Variants in PCCA observed in about 807,000 individuals in gnomAD.
PCCA encodes propionyl-CoA carboxylase alpha chain, mitochondrial.
A neutral mutation model predicts 101.3 loss-of-function variants in PCCA; 74 were observed. That is an observed-to-expected ratio of 0.73 (90% confidence interval 0.61 to 0.89). PCCA has a LOEUF of 0.89. PCCA is among the 40% of genes least tolerant of loss of function. PCCA has a pLI of 0.00. For missense variants in PCCA, 891 were observed against 907.0 expected (o/e 0.98, Z 0.23); for synonymous variants, 294 against 313.6 (o/e 0.94, Z 0.66).
At chr13:100,381,384 G>A (rs1423714181) in intron 19 of PCCA, among the ~76,000 whole-genome samples, 5 of 143,418 alleles carry the variant, frequency 3.5e-5, no homozygotes, top group Admixed American at 2.1e-4. Flanking sequence ...GCGAGACTCC[G>A]TCTCAAAAAA....
intron 4 of PCCA, among the ~76,000 whole-genome samples, chr13:100,129,907 G>A (rs1566536857): frequency 6.6e-6 from 1 of 152,058 alleles, no homozygotes. Context: ...ATTGTTATGC[G>A]TTTTTCTCCT....
chr13:100,529,581 G>A (rs547937777), intron 23 of PCCA, among the ~76,000 whole-genome samples: 1 of 152,308 alleles, frequency 6.6e-6, no homozygotes, highest in East Asian at 1.9e-4. Context: ...CACCTGCCAA[G>A]GACTCCATTT....
Position 100,469,211 on chromosome 13 carries a change from C to CAAAAAAAAAAAAAAAA in PCCA, c.1899+19907_1899+19922dup, listed in dbSNP as rs534361898. Among the ~76,000 whole-genome samples the CAAAAAAAAAAAAAAAA allele has an allele frequency of 9.5e-4, 62 of 64,956 alleles. 1 individual carries two copies. Among genetic ancestry groups the CAAAAAAAAAAAAAAAA allele is most frequent in the African/African-American group, 1.1e-3 (20 of 17,552 alleles). The allele number at this position is 64,956 out of a possible 152,430, so 42.6% of individuals were successfully genotyped here. ...GGGCAACAAGAGTGAAACTCCGTCT[C>CAAAAAAAAAAAAAAAA]AAAAAAAAAAAAAAAAGAATCCCTT... is the stretch of plus-strand genomic sequence containing the variant. On this transcript the variant is annotated intron_variant, in intron 21 of 23. Coordinates refer to ENST00000376285, the MANE Select transcript of PCCA (RefSeq NM_000282.4).
intron 18 of PCCA, among the ~76,000 whole-genome samples, chr13:100,361,080 A>G (rs2074522310): frequency 6.6e-6 from 1 of 152,176 alleles, no homozygotes; most frequent in South Asian, 2.1e-4. Context: ...GCTAAGTGAC[A>G]TTCTGAAAAA....
intron 21 of PCCA, among the ~76,000 whole-genome samples, chr13:100,511,777 C>T (rs896344439): frequency 6.6e-6 from 1 of 152,194 alleles, no homozygotes; most frequent in African/African-American, 2.4e-5. Flanking sequence ...CCGCAGACCT[C>T]GGGATCATTG....
intron 1 of PCCA, among the ~76,000 whole-genome samples, chr13:100,096,204 T>C (rs1046761989): frequency 1.6e-4 from 24 of 152,162 alleles, no homozygotes; most frequent in African/African-American, 5.3e-4. Context: ...AGCAACTGTA[T>C]TGGTGTCATC....
At chr13:100,217,583 G>A (rs2059589311) in intron 7 of PCCA, among the ~76,000 whole-genome samples, 1 of 152,008 alleles carries the variant, frequency 6.6e-6, no homozygotes, top group African/African-American at 2.4e-5. Context: ...GTGTGTGTGT[G>A]TGTGGCTGAG....
intron 19 of PCCA, among the ~76,000 whole-genome samples, chr13:100,408,772 A>G (rs553731811): frequency 6.6e-6 from 1 of 152,224 alleles, no homozygotes; most frequent in Admixed American, 6.5e-5. Context: ...CAGAGAATAC[A>G]AACAGTGATA....
chr13:100,446,598 G>A (rs556708136), intron 20 of PCCA, among the ~76,000 whole-genome samples: 4 of 152,310 alleles, frequency 2.6e-5, no homozygotes, highest in Admixed American at 2.0e-4. Flanking sequence ...GATGACCAAC[G>A]TAGAAATGCC....
intron 4 of PCCA, among the ~76,000 whole-genome samples, chr13:100,113,530 CT>C (rs2048517192): frequency 6.6e-6 from 1 of 151,516 alleles, no homozygotes; most frequent in Non-Finnish European, 1.5e-5. Flanking sequence ...CATACCATAA[CT>C]TTTTTAAATT....
intron 6 of PCCA, among the ~76,000 whole-genome samples, chr13:100,187,358 C>A (rs751684419): frequency 6.6e-6 from 1 of 151,992 alleles, no homozygotes; most frequent in Non-Finnish European, 1.5e-5. Flanking sequence ...CTTGGTAATA[C>A]GTCAATTGGG....
chr13:100,486,067 C>T (rs1186262462), intron 21 of PCCA, among the ~76,000 whole-genome samples: 2 of 152,282 alleles, frequency 1.3e-5, no homozygotes, highest in East Asian at 1.9e-4. Flanking sequence ...TATGGCAGGT[C>T]GGAGCCCATC....
At chr13:100,491,553 CACTGCAAACA>C (rs1299152075) in intron 21 of PCCA, 1 of 563,790 alleles carries the variant, frequency 1.8e-6, no homozygotes, top group Non-Finnish European at 3.0e-6. Flanking sequence ...AGTACTGACT[CACTGCAAACA>C]GCTGCAAAAT....
intron 20 of PCCA, among the ~76,000 whole-genome samples, chr13:100,430,831 T>C (rs1412576010): frequency 6.6e-6 from 1 of 152,134 alleles, no homozygotes; most frequent in Non-Finnish European, 1.5e-5. Flanking sequence ...TATGTGCCCA[T>C]CAGTAGTGAA....
At chr13:100,268,911 G>A (rs2152572603) in intron 11 of PCCA, 128 bp downstream of exon 11, 1 of 749,330 alleles carries the variant, frequency 1.3e-6, no homozygotes, top group Non-Finnish European at 2.4e-6. Context: ...AGGCAGTGGT[G>A]CAATCACGGC....
intron 4 of PCCA, among the ~76,000 whole-genome samples, chr13:100,136,981 A>T (rs933627845): frequency 1.3e-5 from 2 of 151,770 alleles, no homozygotes; most frequent in Non-Finnish European, 2.9e-5. Context: ...AGCTTAGATT[A>T]TTGATTTGAG....
At chr13:100,453,086 C>T (rs2081449847) in intron 21 of PCCA, among the ~76,000 whole-genome samples, 1 of 151,962 alleles carries the variant, frequency 6.6e-6, no homozygotes, top group Non-Finnish European at 1.5e-5. Flanking sequence ...GTCCCAGCTA[C>T]CCAGGAACAT....
In PCCA at chr13:100,487,899, T is replaced by TTA. The variant is rs1555316516; in HGVS notation, c.1900-27528_1900-27527insTA. On this transcript the variant is annotated intron_variant, in intron 21 of 23. Coordinates refer to ENST00000376285, the MANE Select transcript of PCCA (RefSeq NM_000282.4). Reference sequence around the variant, plus strand: ...CACCACCACAGCCTGCTAATTAAAATAAAAAAAAAATGTAGAAACAAGGTG... The same window carrying TTA: ...CACCACCACAGCCTGCTAATTAAAATTAAAAAAAAAAATGTAGAAACAAGGTG... Among the ~76,000 whole-genome samples, 6 of 149,138 alleles carry TTA rather than the reference T, an allele frequency of 4.0e-5. No homozygotes were observed. The South Asian group carries it at 1.3e-3, about 31-fold the overall frequency.
chr13:100,335,273 A>G (rs2070263252), intron 17 of PCCA, among the ~76,000 whole-genome samples: 1 of 152,210 alleles, frequency 6.6e-6, no homozygotes, highest in Non-Finnish European at 1.5e-5. Context: ...GCTTAAAAAT[A>G]TACATATTTT....
Sources: gnomAD v4.1 joint callset for allele counts (sites outside exome capture counted in the v4.1 genomes callset) on GRCh38, gnomAD v4.1.1 for gene constraint, MANE v1.5 for transcripts, NCBI Gene and HGNC (gene_info 2026-07-23, HGNC 2026-07-21) for gene names.